KIAA0513: variants seen among roughly 807,000 people sequenced by gnomAD.
KIAA0513 encodes uncharacterized protein KIAA0513.
In KIAA0513, 39 loss-of-function variants were observed where a neutral mutation model predicts 56.5. The ratio of observed to expected loss-of-function variants is 0.69; its 90% CI spans 0.53 to 0.90. The LOEUF is 0.90. KIAA0513 is among the 40% of genes least tolerant of loss of function. KIAA0513 has a pLI of 0.00. For missense variants in KIAA0513, 591 were observed against 535.2 expected (o/e 1.10, Z -1.03); for synonymous variants, 268 against 215.6 (o/e 1.24, Z -2.13).
At chr16:85,047,847 G>A (rs897460387) in intron 1 of KIAA0513, among the ~76,000 whole-genome samples, 21 of 152,136 alleles carry the variant, frequency 1.4e-4, no homozygotes, top group East Asian at 1.9e-4. Flanking sequence ...CAAACTCACC[G>A]CAACCTTGGT....
chr16:85,079,951 C>T (rs1165387897), intron 8 of KIAA0513, among the ~76,000 whole-genome samples: 1 of 152,214 alleles, frequency 6.6e-6, no homozygotes, highest in Non-Finnish European at 1.5e-5. Flanking sequence ...CTCTCCTCGA[C>T]ATATTTTAGA....
intron 1 of KIAA0513, among the ~76,000 whole-genome samples, chr16:85,066,198 G>C (rs1021773200): frequency 1.3e-5 from 2 of 152,188 alleles, no homozygotes; most frequent in African/African-American, 4.8e-5. Flanking sequence ...AGACGTGGCC[G>C]AGGCAGAGGC....
At position 85,090,147 on chromosome 16, in the gene KIAA0513, G is replaced by C. The variant is rs191662921; in HGVS notation, c.*1822G>C. ...ACCGAATCCATTTAGAGAAATGTCA[G>C]AGCGAGGGTTGTGTGGACACCCCTC... On this transcript the variant is annotated 3_prime_UTR_variant, in exon 13 of 13. Coordinates refer to ENST00000683363, the MANE Select transcript of KIAA0513 (RefSeq NM_001388359.1). 1.2e-3 allele frequency: 180 copies of C among 151,764 alleles called. 1 individual carries two copies. Among genetic ancestry groups the C allele is most frequent in the African/African-American group, 4.0e-3 (164 of 41,186 alleles). The allele number at this position is 151,764 out of a possible 1,614,324, so 9.4% of individuals were successfully genotyped here.
chr16:85,066,197 C>T (rs895461599), intron 1 of KIAA0513, among the ~76,000 whole-genome samples: 2 of 152,144 alleles, frequency 1.3e-5, no homozygotes, highest in African/African-American at 2.4e-5. Flanking sequence ...AAGACGTGGC[C>T]GAGGCAGAGG....
intron 1 of KIAA0513, among the ~76,000 whole-genome samples, chr16:85,035,993 A>G (rs2073031432): frequency 6.6e-6 from 1 of 151,858 alleles, no homozygotes; most frequent in Non-Finnish European, 1.5e-5. Flanking sequence ...AAAAAAAAAA[A>G]AAAAAGGAAT....
At chr16:85,086,914 A>G in intron 11 of KIAA0513, 158 bp from the exon 12 acceptor site, 1 of 829,056 alleles carries the variant, frequency 1.2e-6, no homozygotes, top group Non-Finnish European at 1.9e-6. Flanking sequence ...ACAGTGCCAC[A>G]GTGAGAGTTG....
chr16:85,060,811 T>C (rs1168900502), intron 1 of KIAA0513, among the ~76,000 whole-genome samples: 1 of 150,546 alleles, frequency 6.6e-6, no homozygotes, highest in Non-Finnish European at 1.5e-5. Context: ...ACCACTCTAC[T>C]TCAGCCTGGG....
rs1247916673 is a variant in KIAA0513, at chr16:85,050,514, CCATGTTGG to C, written c.-172-16384_-172-16377del. ...TATTTTTAGTAGAGACAGGGTTTCA[CCATGTTGG>C]CCAGGCTGGTCTCGAACTCCTGACC... On this transcript the variant is annotated intron_variant, in intron 1 of 12. Transcript: ENST00000683363. Among the ~76,000 whole-genome samples, 17 of 152,178 alleles carry C rather than the reference CCATGTTGG, an allele frequency of 1.1e-4. No individual in the cohort carries two copies. In the East Asian group the frequency reaches 3.3e-3, roughly 29 times the overall value.
Position 85,090,565 on chromosome 16 carries a change from A to G in KIAA0513, c.*2240A>G, listed in dbSNP as rs887045624. On this transcript the variant is annotated 3_prime_UTR_variant, in exon 13 of 13. Coordinates refer to ENST00000683363, the MANE Select transcript of KIAA0513 (RefSeq NM_001388359.1). ...GGTCTTGACACTTTTTTCTCCACAT[A>G]GACTCTTGAAATAGCCATTTCAGGG... 1 of 152,154 alleles carries G rather than the reference A, an allele frequency of 6.6e-6. No homozygotes were observed. Among genetic ancestry groups the G allele is most frequent in the Non-Finnish European group, 1.5e-5 (1 of 68,032 alleles). The allele number at this position is 152,154 out of a possible 1,614,324, so 9.4% of individuals were successfully genotyped here.
At chr16:85,042,640 T>C (rs2073119111) in intron 1 of KIAA0513, among the ~76,000 whole-genome samples, 2 of 152,232 alleles carry the variant, frequency 1.3e-5, no homozygotes, top group Non-Finnish European at 1.5e-5. Flanking sequence ...TAATGCCTAG[T>C]ATGTAGGGAA....
At chr16:85,078,800 G>A (rs2073697968) in intron 7 of KIAA0513, 125 bp from the exon 8 acceptor site, 1 of 1,029,426 alleles carries the variant, frequency 9.7e-7, no homozygotes, top group Non-Finnish European at 1.5e-6. Flanking sequence ...GCCACGGTGG[G>A]GTTTGCATCA....
intron 1 of KIAA0513, among the ~76,000 whole-genome samples, chr16:85,059,153 A>G (rs539806615): frequency 6.8e-4 from 104 of 152,342 alleles, no homozygotes; most frequent in African/African-American, 2.4e-3. Flanking sequence ...GAAACAGCCA[A>G]AAATCTCTTT....
chr16:85,088,189 T>C, intron 12 of KIAA0513, 87 bp from the exon 13 acceptor site: 17 of 1,273,688 alleles, frequency 1.3e-5, no homozygotes, highest in Non-Finnish European at 1.9e-5. Flanking sequence ...GGAGGCCCGA[T>C]TCGTCCCTGT....
At chr16:85,072,587 A>G (rs1237173009) in intron 3 of KIAA0513, among the ~76,000 whole-genome samples, 1 of 152,182 alleles carries the variant, frequency 6.6e-6, no homozygotes, top group Non-Finnish European at 1.5e-5. Context: ...AGAGAAGTTA[A>G]TTACCCACAA....
intron 1 of KIAA0513, among the ~76,000 whole-genome samples, chr16:85,033,671 G>T (rs969827440): frequency 1.3e-5 from 2 of 151,842 alleles, no homozygotes; most frequent in Admixed American, 6.5e-5. Context: ...GGGGGTGGGG[G>T]CAGGGATGGG....
At position 85,030,640 on chromosome 16, in the gene KIAA0513, A is replaced by G. The variant is rs565599121; in HGVS notation, c.-173+2782A>G. The stretch of plus-strand genomic sequence containing the variant: ...CGGGTACCTGTAATCCCAGCTACTC[A>G]GGAGGCTGAGGCAGAATCACTGGAA... On this transcript the variant is annotated intron_variant, in intron 1 of 12. Transcript: ENST00000683363. Among the ~76,000 whole-genome samples the G allele has an allele frequency of 6.7e-3, 1,023 of 151,958 alleles. 6 individuals are homozygous for G. The highest frequency in any genetic ancestry group is 0.011 in the Non-Finnish European group (724 of 67,944).
intron 10 of KIAA0513, among the ~76,000 whole-genome samples, chr16:85,084,099 T>C (rs1203085356): frequency 6.7e-6 from 1 of 149,624 alleles, no homozygotes; most frequent in Non-Finnish European, 1.5e-5. Flanking sequence ...TCTCGCTCTG[T>C]TGCCCAGGCT....
intron 1 of KIAA0513, among the ~76,000 whole-genome samples, chr16:85,062,460 G>A (rs2073420003): frequency 6.6e-6 from 1 of 152,192 alleles, no homozygotes. Context: ...GGGGGTTGCA[G>A]TGCTTCAGGC....
At chr16:85,085,361 G>T (rs919980145) in intron 10 of KIAA0513, among the ~76,000 whole-genome samples, 1 of 152,312 alleles carries the variant, frequency 6.6e-6, no homozygotes, top group African/African-American at 2.4e-5. Flanking sequence ...ACCTCTCGTG[G>T]GCCAGGGGGT....
Sources: gnomAD v4.1 joint callset for allele counts (sites outside exome capture counted in the v4.1 genomes callset) on GRCh38, gnomAD v4.1.1 for gene constraint, MANE v1.5 for transcripts, NCBI Gene and HGNC (gene_info 2026-07-23, HGNC 2026-07-21) for gene names.